Variants in NXPH2 observed in about 807,000 individuals in gnomAD.
NXPH2 encodes neurexophilin 2.
NXPH2 carries 5 observed loss-of-function variants against 19.8 expected under a neutral mutation model. The ratio of observed to expected loss-of-function variants is 0.25; its 90% CI spans 0.13 to 0.53. The LOEUF (loss-of-function observed/expected upper bound fraction) is 0.53. NXPH2 is among the 20% of genes least tolerant of loss of function. The pLI is 0.96. For synonymous variants in NXPH2, 154 were observed against 127.4 expected (o/e 1.21, Z -1.41); for missense variants, 289 against 322.8 (o/e 0.90, Z 0.80).
intron 1 of NXPH2, among the ~76,000 whole-genome samples, chr2:138,765,901 T>A (rs781744351): frequency 2.6e-5 from 4 of 152,246 alleles, no homozygotes; most frequent in Non-Finnish European, 5.9e-5. Flanking sequence ...ATTTGCTGTC[T>A]TCTACAAGGT....
Position 138,756,773 on chromosome 2 carries a change from A to G in NXPH2, c.51+23418T>C, listed in dbSNP as rs182995435. On this transcript the variant is annotated intron_variant, in intron 1 of 1. Coordinates refer to ENST00000272641, the MANE Select transcript of NXPH2 (RefSeq NM_007226.3). ...AGTGTTCCACAAGACTAGTTAGTAT[A>G]TCTGACAGGGGAATCAAAGCCACTA... Among the ~76,000 whole-genome samples the G allele has an allele frequency of 2.0e-5, 3 of 152,324 alleles. No individual in the cohort carries two copies. The East Asian group carries it at 5.8e-4, about 29-fold the overall frequency.
At chr2:138,724,838 C>T (rs1250462499) in intron 1 of NXPH2, among the ~76,000 whole-genome samples, 1 of 152,198 alleles carries the variant, frequency 6.6e-6, no homozygotes, top group Non-Finnish European at 1.5e-5. Flanking sequence ...CTGCAACATG[C>T]TTTATGCTCC....
chr2:138,723,042 T>C (rs556913523), intron 1 of NXPH2, among the ~76,000 whole-genome samples: 1 of 152,334 alleles, frequency 6.6e-6, no homozygotes, highest in African/African-American at 2.4e-5. Context: ...TTTATATCTA[T>C]TGCCAGGGCA....
In NXPH2 at chr2:138,780,247, C is replaced by G. The variant is rs767997762; in HGVS notation, c.-6G>C. ...GGCAGCGGCCGCAGGCGCATGGTGC[C>G]GGCTGGCGCGGCTTTTCACGAGCTG... On this transcript the variant is annotated 5_prime_UTR_variant, in exon 1 of 2. Coordinates refer to ENST00000272641, the MANE Select transcript of NXPH2 (RefSeq NM_007226.3). The G allele has an allele frequency of 9.1e-6, 13 of 1,428,736 alleles. No individual in the cohort carries two copies. Among genetic ancestry groups the G allele is most frequent in the Non-Finnish European group, 1.2e-5 (13 of 1,102,036 alleles). 88.5% of individuals were successfully genotyped at this position (1,428,736 alleles called of 1,614,324 possible). A position where few individuals can be genotyped will look rare whatever the true frequency, so the allele number is the denominator to read the frequency against.
At chr2:138,730,730 A>G (rs1681435083) in intron 1 of NXPH2, among the ~76,000 whole-genome samples, 1 of 152,216 alleles carries the variant, frequency 6.6e-6, no homozygotes, top group South Asian at 2.1e-4. Context: ...TGCAGATGTT[A>G]AAAGTCTGTC....
intron 1 of NXPH2, among the ~76,000 whole-genome samples, chr2:138,715,795 G>C (rs1031460998): frequency 3.9e-5 from 6 of 152,104 alleles, no homozygotes; most frequent in African/African-American, 1.4e-4. Flanking sequence ...TTCCTTCCCA[G>C]GTCCAGGATG....
At chr2:138,688,388 C>T (rs960591538) in intron 1 of NXPH2, among the ~76,000 whole-genome samples, 1 of 152,126 alleles carries the variant, frequency 6.6e-6, no homozygotes, top group African/African-American at 2.4e-5. Context: ...CACTGTGTTG[C>T]CCAGGCTGGT....
At chr2:138,683,858 G>C (rs565321808) in intron 1 of NXPH2, among the ~76,000 whole-genome samples, 1 of 152,202 alleles carries the variant, frequency 6.6e-6, no homozygotes, top group African/African-American at 2.4e-5. Flanking sequence ...TAGATACATA[G>C]TACAGTATTT....
intron 1 of NXPH2, among the ~76,000 whole-genome samples, chr2:138,728,535 C>G (rs1681396440): frequency 6.6e-6 from 1 of 152,054 alleles, no homozygotes; most frequent in African/African-American, 2.4e-5. Context: ...AGAAAGATCT[C>G]GATAAATGTT....
At chr2:138,775,678 A>T (rs908217592) in intron 1 of NXPH2, among the ~76,000 whole-genome samples, 1 of 152,128 alleles carries the variant, frequency 6.6e-6, no homozygotes, top group Non-Finnish European at 1.5e-5. Context: ...AAACCATAGG[A>T]TTGTGCCTGC....
chr2:138,757,401 T>G (rs925155557), intron 1 of NXPH2, among the ~76,000 whole-genome samples: 1 of 152,158 alleles, frequency 6.6e-6, no homozygotes, highest in African/African-American at 2.4e-5. Context: ...CACCTTCCCT[T>G]GGGTCCTCCT....
intron 1 of NXPH2, among the ~76,000 whole-genome samples, chr2:138,724,251 A>T (rs1253830355): frequency 6.6e-6 from 1 of 152,176 alleles, no homozygotes; most frequent in African/African-American, 2.4e-5. Flanking sequence ...AAGGCATGTC[A>T]TGGTTTCTCA....
In NXPH2 at chr2:138,671,525, C is replaced by T. The variant is rs776374165; in HGVS notation, c.192G>A (p.Pro64=). The T allele has an allele frequency of 3.1e-6, 5 of 1,613,958 alleles. No individual in the cohort carries two copies. The South Asian group carries it at 3.3e-5, about 11-fold the overall frequency. ...SPLRLFVKQS[P]VPKPGPMAYA... ...ACGCCATGGGGCCGGGCTTGGGCAC[C>T]GGAGACTGTTTAACAAACAGGCGCA... Residue 64 remains proline, a synonymous_variant, in exon 2 of 2, where the codon CCG becomes CCA. Coordinates refer to ENST00000272641, the MANE Select transcript of NXPH2 (RefSeq NM_007226.3).
chr2:138,728,676 T>C (rs191971799), intron 1 of NXPH2, among the ~76,000 whole-genome samples: 1 of 152,348 alleles, frequency 6.6e-6, no homozygotes, highest in Admixed American at 6.5e-5. Flanking sequence ...TTTAAATTCC[T>C]ACATGAAAAT....
chr2:138,722,012 T>G (rs1240659822), intron 1 of NXPH2, among the ~76,000 whole-genome samples: 1 of 152,214 alleles, frequency 6.6e-6, no homozygotes, highest in African/African-American at 2.4e-5. Context: ...ACAGTCAGAC[T>G]GGGAGTTGAA....
chr2:138,700,806 A>G (rs1220406514), intron 1 of NXPH2, among the ~76,000 whole-genome samples: 1 of 152,040 alleles, frequency 6.6e-6, no homozygotes, highest in African/African-American at 2.4e-5. Context: ...GTTCATTAAA[A>G]TACTAATCTT....
At chr2:138,766,676 G>A (rs1375285360) in intron 1 of NXPH2, among the ~76,000 whole-genome samples, 1 of 152,100 alleles carries the variant, frequency 6.6e-6, no homozygotes, top group Non-Finnish European at 1.5e-5. Context: ...ACCACTGCTG[G>A]ACAGCTCTCC....
At chr2:138,696,891 T>C (rs1680837267) in intron 1 of NXPH2, among the ~76,000 whole-genome samples, 1 of 152,088 alleles carries the variant, frequency 6.6e-6, no homozygotes, top group African/African-American at 2.4e-5. Flanking sequence ...AATTAAATAA[T>C]GGATAATCAA....
chr2:138,692,974 G>C (rs538888663), intron 1 of NXPH2, among the ~76,000 whole-genome samples: 1 of 152,132 alleles, frequency 6.6e-6, no homozygotes, highest in African/African-American at 2.4e-5. Flanking sequence ...GTAAGTTATA[G>C]TTCCATTTCA....
Sources: allele counts gnomAD v4.1 joint callset (sites outside exome capture counted in the v4.1 genomes callset), GRCh38; gene constraint gnomAD v4.1.1; transcripts MANE v1.5; gene names NCBI Gene and HGNC (gene_info 2026-07-23, HGNC 2026-07-21).